Variants in CPEB3 observed in about 807,000 individuals in gnomAD.
The protein encoded by CPEB3 is cytoplasmic polyadenylation element-binding protein 3.
CPEB3 carries 20 observed loss-of-function variants against 67.2 expected under a neutral mutation model. The observed-to-expected ratio is 0.30, with a 90% CI of 0.21 to 0.43. CPEB3 has a LOEUF of 0.43. Ranked by LOEUF, CPEB3 falls within the 20% of genes least tolerant of loss-of-function variation. CPEB3 has a pLI of 1.00. For synonymous variants in CPEB3, 376 were observed against 393.1 expected, an observed-to-expected ratio of 0.96 and a Z score of 0.51; for missense variants, 746 against 968.6, an observed-to-expected ratio of 0.77 and a Z score of 3.05.
chr10:92,052,901 C>CA (rs1455596184), intron 9 of CPEB3, among the ~76,000 whole-genome samples: 5 of 152,194 alleles, frequency 3.3e-5, no homozygotes, highest in Non-Finnish European at 7.3e-5. Context: ...GGACAAAGGC[C>CA]ATAAGCAGGA....
At chr10:92,103,705 A>G (rs1844301399) in intron 7 of CPEB3, among the ~76,000 whole-genome samples, 1 of 152,234 alleles carries the variant, frequency 6.6e-6, no homozygotes, top group East Asian at 1.9e-4. Flanking sequence ...TGTTGGACCT[A>G]CTAACAAAAC....
chr10:92,159,944 CTT>C (rs368362388), intron 4 of CPEB3, among the ~76,000 whole-genome samples: 18,694 of 143,932 alleles, frequency 0.13, 1,325 homozygotes, highest in Middle Eastern at 0.22. Context: ...TGAAAAAAAT[CTT>C]TTTTTTTTTT....
At chr10:92,121,993 T>A (rs1264574092) in intron 6 of CPEB3, among the ~76,000 whole-genome samples, 2 of 152,156 alleles carry the variant, frequency 1.3e-5, no homozygotes, top group African/African-American at 4.8e-5. Flanking sequence ...TCAGGAGACT[T>A]TTTTTGGATT....
At chr10:92,140,604 G>A (rs1289648255) in intron 6 of CPEB3, among the ~76,000 whole-genome samples, 1 of 150,888 alleles carries the variant, frequency 6.6e-6, no homozygotes, top group African/African-American at 2.4e-5. Context: ...CAAAAGCAAT[G>A]GCAACAAAAG....
chr10:92,215,150 G>C (rs1295028027), intron 2 of CPEB3, among the ~76,000 whole-genome samples: 1 of 145,190 alleles, frequency 6.9e-6, no homozygotes, highest in East Asian at 2.1e-4. Context: ...GCCAAGCCAA[G>C]ATTTTTTTTT....
chr10:92,172,309 A>C (rs902374387), intron 4 of CPEB3, among the ~76,000 whole-genome samples: 25 of 152,168 alleles, frequency 1.6e-4, no homozygotes, highest in Admixed American at 1.4e-3. Context: ...AACAAAAAAA[A>C]CACAAAACTT....
At chr10:92,269,991 A>C (rs1379413791) in intron 1 of CPEB3, among the ~76,000 whole-genome samples, 1 of 145,748 alleles carries the variant, frequency 6.9e-6, no homozygotes, top group East Asian at 2.0e-4. Flanking sequence ...CATCTTCTCA[A>C]ACTTAAAATT....
intron 4 of CPEB3, among the ~76,000 whole-genome samples, chr10:92,175,887 C>T (rs759265347): frequency 2.0e-5 from 3 of 151,968 alleles, no homozygotes; most frequent in African/African-American, 4.8e-5. Context: ...CTCAAGAGTT[C>T]GAGACCAGCC....
intron 1 of CPEB3, among the ~76,000 whole-genome samples, chr10:92,260,156 T>C (rs1410411295): frequency 6.6e-6 from 1 of 152,204 alleles, no homozygotes; most frequent in Admixed American, 6.5e-5. Flanking sequence ...ACAAAGCTTT[T>C]ATGTAATGAC....
At chr10:92,279,782 G>A (rs990272752) in intron 1 of CPEB3, among the ~76,000 whole-genome samples, 2 of 152,060 alleles carry the variant, frequency 1.3e-5, no homozygotes, top group African/African-American at 2.4e-5. Context: ...TGGGTGGATC[G>A]CTCGATCTCT....
intron 6 of CPEB3, among the ~76,000 whole-genome samples, chr10:92,120,583 A>C (rs1845314171): frequency 1.3e-5 from 2 of 152,158 alleles, no homozygotes; most frequent in South Asian, 4.1e-4. Flanking sequence ...GACTGTCTCA[A>C]AAAAAACAAA....
At chr10:92,072,844 G>A (rs1935864) in intron 9 of CPEB3, among the ~76,000 whole-genome samples, 21,483 of 152,054 alleles carry the variant, frequency 0.14, 1,825 homozygotes, top group African/African-American at 0.22. Context: ...TACACCTCAA[G>A]TATGCGGAGG....
At chr10:92,085,824 G>A (rs1245453734) in intron 8 of CPEB3, among the ~76,000 whole-genome samples, 3 of 152,088 alleles carry the variant, frequency 2.0e-5, no homozygotes, top group Non-Finnish European at 2.9e-5. Context: ...TGGCCAGGCT[G>A]GTCTTGAACT....
In CPEB3 at chr10:92,155,944, A is replaced by G. The variant is rs529838117; in HGVS notation, c.1223-10859T>C. ...TATTAATATGCTATTATTTATAAAA[A>G]TAAGATAATTTTTAAAAATATGATG... On this transcript the variant is annotated intron_variant, in intron 4 of 9. Coordinates refer to ENST00000265997, the MANE Select transcript of CPEB3 (RefSeq NM_014912.5). Among the ~76,000 whole-genome samples the G allele has an allele frequency of 2.6e-5, 4 of 152,304 alleles. No individual in the cohort carries two copies. The East Asian group carries it at 7.7e-4, about 29-fold the overall frequency.
chr10:92,057,081 G>A (rs1326540436), intron 9 of CPEB3, among the ~76,000 whole-genome samples: 1 of 152,194 alleles, frequency 6.6e-6, no homozygotes, highest in African/African-American at 2.4e-5. Flanking sequence ...TGACACCCAG[G>A]ACCTTGGGTG....
At chr10:92,113,760 C>G (rs1475954673) in intron 6 of CPEB3, among the ~76,000 whole-genome samples, 3 of 152,126 alleles carry the variant, frequency 2.0e-5, no homozygotes, top group African/African-American at 7.2e-5. Context: ...GGTTGTCTCC[C>G]TATAGCAGCT....
chr10:92,241,434 T>C (rs1436945737), intron 1 of CPEB3, among the ~76,000 whole-genome samples: 1 of 152,210 alleles, frequency 6.6e-6, no homozygotes, highest in African/African-American at 2.4e-5. Context: ...TCACAAGACT[T>C]TGGCAAATTT....
chr10:92,072,467 C>A (rs552247183), intron 9 of CPEB3, among the ~76,000 whole-genome samples: 86 of 152,266 alleles, frequency 5.6e-4, no homozygotes, highest in Non-Finnish European at 1.1e-3. Context: ...GCCTGTTCAG[C>A]CTAGTAACTT....
Position 92,050,681 on chromosome 10 carries a change from TCAGA to T in CPEB3, c.*1527_*1530del, listed in dbSNP as rs1841868949. On this transcript the variant is annotated 3_prime_UTR_variant, in exon 10 of 10. Transcript: ENST00000265997. The stretch of plus-strand genomic sequence containing the variant: ...GGGAATTAAGTAGTTAGTTTCTCAC[TCAGA>T]CAACCAACTCTGCCCAGGCCATCTT... 1 of 152,484 alleles carries T rather than the reference TCAGA, an allele frequency of 6.6e-6. No individual in the cohort carries two copies. The highest frequency in any genetic ancestry group is 2.1e-4 in the South Asian group (1 of 4,834). 9.4% of individuals were successfully genotyped at this position (152,484 alleles called of 1,614,324 possible).
Sources: allele counts gnomAD v4.1 joint callset (sites outside exome capture counted in the v4.1 genomes callset), GRCh38; gene constraint gnomAD v4.1.1; transcripts MANE v1.5; gene names NCBI Gene and HGNC (gene_info 2026-07-23, HGNC 2026-07-21).